The following PTPRK variants were observed in gnomAD, a reference collection of about 807,000 sequenced individuals.
PTPRK encodes receptor-type tyrosine-protein phosphatase kappa.
PTPRK carries 75 observed loss-of-function variants against 178.0 expected under a neutral mutation model. The ratio of observed to expected loss-of-function variants is 0.42; its 90% CI spans 0.35 to 0.51. The LOEUF is 0.51. PTPRK is among the 20% of genes least tolerant of loss of function. The pLI is 0.02. For missense variants in PTPRK, 1,441 were observed against 1,797.8 expected, an observed-to-expected ratio of 0.80 and a Z score of 3.59; for synonymous variants, 637 against 620.6, an observed-to-expected ratio of 1.03 and a Z score of -0.39.
intron 3 of PTPRK, among the ~76,000 whole-genome samples, chr6:128,291,727 C>T (rs1238097167): frequency 6.6e-6 from 1 of 152,126 alleles, no homozygotes; most frequent in Non-Finnish European, 1.5e-5. Context: ...CTGCATCAAG[C>T]TTGCATATGC....
At chr6:128,353,792 T>C (rs923379201) in intron 2 of PTPRK, among the ~76,000 whole-genome samples, 54 of 152,238 alleles carry the variant, frequency 3.5e-4, no homozygotes, top group African/African-American at 8.4e-4. Context: ...CTGTTATATA[T>C]CTTGATTATC....
intron 7 of PTPRK, among the ~76,000 whole-genome samples, chr6:128,135,206 G>C (rs1340772707): frequency 6.6e-6 from 1 of 151,916 alleles, no homozygotes; most frequent in African/African-American, 2.4e-5. Flanking sequence ...ATAAGGCAAG[G>C]TCTAACCATG....
chr6:127,995,536 C>A lies in PTPRK; in HGVS notation c.2770G>T (p.Asp924Tyr). 1 of 1,561,502 alleles carries A rather than the reference C, an allele frequency of 6.4e-7. No homozygotes were observed. The highest frequency in any genetic ancestry group is 8.7e-7 in the Non-Finnish European group (1 of 1,149,894). Residue 924 changes from aspartate (D) to tyrosine (Y), a missense_variant and splice_region_variant, in exon 18 of 30, where the codon GAT (aspartate) becomes TAT (tyrosine). Around this residue, in one of 4 missense-constraint regions of PTPRK, gnomAD observed 945 missense variants for 1,080.6 expected, o/e 0.87. Transcript: ENST00000368226. ...KNRYGNIIAY[D>Y]HSRVILQPVE... ...GGTTGCAAAATCACTCTGGAGTGAT[C>A]ATCTAAAATTTTAAAATAATAAATA...
intron 2 of PTPRK, among the ~76,000 whole-genome samples, chr6:128,389,567 T>G (rs1219633051): frequency 1.3e-5 from 2 of 151,838 alleles, no homozygotes; most frequent in Non-Finnish European, 2.9e-5. Context: ...ATAACTGTAT[T>G]TTCGGTCACA....
intron 3 of PTPRK, among the ~76,000 whole-genome samples, chr6:128,309,658 A>C (rs1826945752): frequency 6.6e-6 from 1 of 152,194 alleles, no homozygotes; most frequent in Non-Finnish European, 1.5e-5. Flanking sequence ...GAGAACCTTA[A>C]AAAAACTTAA....
chr6:128,286,819 C>T (rs551823390), intron 3 of PTPRK, among the ~76,000 whole-genome samples: 4 of 152,258 alleles, frequency 2.6e-5, no homozygotes, highest in Non-Finnish European at 5.9e-5. Flanking sequence ...TTAGTGTAGC[C>T]TTCAGAGTAA....
At chr6:128,008,112 C>T (rs1194908834) in intron 14 of PTPRK, 14 of 1,298,616 alleles carry the variant, frequency 1.1e-5, no homozygotes, top group Admixed American at 2.0e-5. Flanking sequence ...CGTAAAGAGG[C>T]AATATATTAA....
chr6:128,072,180 A>C (rs909960281), intron 11 of PTPRK, among the ~76,000 whole-genome samples: 4 of 152,004 alleles, frequency 2.6e-5, no homozygotes, highest in African/African-American at 9.7e-5. Context: ...TATTTCTGTA[A>C]TTAGGTTAAA....
At chr6:128,260,286 T>C (rs1430284841) in intron 3 of PTPRK, among the ~76,000 whole-genome samples, 4 of 152,078 alleles carry the variant, frequency 2.6e-5, no homozygotes, top group Non-Finnish European at 5.9e-5. Flanking sequence ...CTGAAGAAGT[T>C]TGTTTTGATG....
chr6:128,176,064 G>C (rs1396387255), intron 7 of PTPRK, among the ~76,000 whole-genome samples: 2 of 151,836 alleles, frequency 1.3e-5, no homozygotes, highest in African/African-American at 4.8e-5. Context: ...CTGGAACAAT[G>C]ACTCTGCTTT....
chr6:128,266,623 G>A (rs1818992898), intron 3 of PTPRK, among the ~76,000 whole-genome samples: 2 of 152,090 alleles, frequency 1.3e-5, no homozygotes, highest in Middle Eastern at 3.4e-3. Flanking sequence ...ATAGAATCAC[G>A]AGACTATAAC....
At chr6:128,494,201 TAAA>T (rs11301155) in intron 1 of PTPRK, among the ~76,000 whole-genome samples, 9 of 112,934 alleles carry the variant, frequency 8.0e-5, no homozygotes, top group Admixed American at 9.4e-5. Context: ...CCCTGTATCT[TAAA>T]AAAAAAAAAA....
intron 1 of PTPRK, among the ~76,000 whole-genome samples, chr6:128,469,430 T>C (rs922374704): frequency 6.6e-6 from 1 of 152,238 alleles, no homozygotes; most frequent in African/African-American, 2.4e-5. Context: ...TTTTATATTA[T>C]TGTTATTTAC....
At chr6:128,147,664 G>A (rs1796684877) in intron 7 of PTPRK, among the ~76,000 whole-genome samples, 2 of 152,100 alleles carry the variant, frequency 1.3e-5, no homozygotes, top group African/African-American at 4.8e-5. Flanking sequence ...ACAGATTGCT[G>A]CAAATGTTTT....
rs552256700 is a variant in PTPRK at position 128,409,082 on chromosome 6, CCCTT to C, written c.101-11398_101-11395del. ...TAGGAGATATGTGACATAAAAGTGT[CCCTT>C]CCTAGCCACGAACTGTTTCAGCTAG... On this transcript the variant is annotated intron_variant, in intron 1 of 29. Coordinates refer to ENST00000368226, the MANE Select transcript of PTPRK (RefSeq NM_002844.4). Among the ~76,000 whole-genome samples, 277 of 152,260 alleles carry C rather than the reference CCCTT, an allele frequency of 1.8e-3. 3 individuals carry two copies. The highest frequency in any genetic ancestry group is 0.01 in the Middle Eastern group (3 of 294).
intron 7 of PTPRK, among the ~76,000 whole-genome samples, chr6:128,107,991 T>C (rs558171729): frequency 6.6e-6 from 1 of 152,138 alleles, no homozygotes; most frequent in South Asian, 2.1e-4. Context: ...TAATTTTACA[T>C]GGATCAGAAA....
At chr6:128,458,811 T>C (rs1584809895) in intron 1 of PTPRK, among the ~76,000 whole-genome samples, 1 of 152,216 alleles carries the variant, frequency 6.6e-6, no homozygotes, top group East Asian at 1.9e-4. Context: ...TCAGTGTATT[T>C]GTTTGCTTAC....
intron 2 of PTPRK, among the ~76,000 whole-genome samples, chr6:128,372,048 T>C (rs1375974368): frequency 6.6e-6 from 1 of 152,234 alleles, no homozygotes; most frequent in Non-Finnish European, 1.5e-5. Flanking sequence ...TGAAATGACA[T>C]TTGCCTAGTT....
chr6:128,044,155 G>A (rs1203812726), intron 13 of PTPRK, among the ~76,000 whole-genome samples: 6 of 151,958 alleles, frequency 3.9e-5, no homozygotes, highest in Non-Finnish European at 7.4e-5. Context: ...ATTTCAAAGA[G>A]CTTATTTTTT....
Sources: gnomAD v4.1 joint callset for allele counts (sites outside exome capture counted in the v4.1 genomes callset) on GRCh38, gnomAD v4.1.1 for gene constraint, gnomAD v4.1.1 regional missense constraint, MANE v1.5 for transcripts, NCBI Gene and HGNC (gene_info 2026-07-23, HGNC 2026-07-21) for gene names.